Variants in MGAT4C observed in about 807,000 individuals in gnomAD.
MGAT4C encodes the protein alpha-1,3-mannosyl-glycoprotein 4-beta-N-acetylglucosaminyltransferase C.
In MGAT4C, 19 loss-of-function variants were observed where a neutral mutation model predicts 40.1. The ratio of observed to expected loss-of-function variants is 0.47; its 90% CI spans 0.33 to 0.70. MGAT4C has a LOEUF of 0.70. Ranked by LOEUF, MGAT4C falls within the 30% of genes least tolerant of loss-of-function variation. The probability of loss-of-function intolerance (pLI) is 0.02; values close to 1 mark genes in which losing one functional copy is unlikely to be tolerated. For missense variants in MGAT4C, 491 were observed against 563.2 expected, an observed-to-expected ratio of 0.87 and a Z score of 1.30; for synonymous variants, 181 against 187.1, an observed-to-expected ratio of 0.97 and a Z score of 0.27.
In MGAT4C at chr12:85,958,071, G is replaced by A. The variant is rs575593358; in HGVS notation, c.*21218C>T. 3 of 150,030 alleles carry A rather than the reference G, an allele frequency of 2.0e-5. No individual in the cohort carries two copies. In the Admixed American group the frequency reaches 2.0e-4, roughly 10 times the overall value. 9.3% of individuals were successfully genotyped at this position (150,030 alleles called of 1,614,324 possible). A position where few individuals can be genotyped will look rare whatever the true frequency, so the allele number is the denominator to read the frequency against. On this transcript the variant is annotated 3_prime_UTR_variant, in exon 5 of 5. Coordinates refer to ENST00000611864, the MANE Select transcript of MGAT4C (RefSeq NM_001351288.2). ...TGTGTGTGTGTGTGTGTGTGTGTTTGTTTGCTTGTTTTTGTTTTGAGACAG... is the reference window on the plus strand; with the variant it reads ...TGTGTGTGTGTGTGTGTGTGTGTTTATTTGCTTGTTTTTGTTTTGAGACAG...
intron 2 of MGAT4C, among the ~76,000 whole-genome samples, chr12:86,639,138 C>A (rs1963307147): frequency 6.6e-6 from 1 of 151,672 alleles, no homozygotes. Flanking sequence ...CTCTCTGTTG[C>A]ACAATGTCAT....
chr12:86,176,846 A>T (rs1887495679), intron 1 of MGAT4C, among the ~76,000 whole-genome samples: 1 of 146,818 alleles, frequency 6.8e-6, no homozygotes. Context: ...TATGTACTGA[A>T]GTGGTAAGAA....
intron 2 of MGAT4C, among the ~76,000 whole-genome samples, chr12:86,478,874 C>T (rs1957886377): frequency 1.3e-5 from 2 of 151,890 alleles, no homozygotes; most frequent in South Asian, 2.1e-4. Flanking sequence ...GAATAAAACC[C>T]AGAATGTCTA....
chr12:86,691,151 G>A (rs533858621), intron 2 of MGAT4C, among the ~76,000 whole-genome samples: 6 of 152,126 alleles, frequency 3.9e-5, no homozygotes, highest in South Asian at 2.1e-4. Context: ...TACTACTTCC[G>A]TTTACTGGCA....
intron 1 of MGAT4C, among the ~76,000 whole-genome samples, chr12:86,799,652 T>A (rs1399703952): frequency 1.3e-5 from 2 of 151,978 alleles, no homozygotes; most frequent in African/African-American, 4.8e-5. Flanking sequence ...TGACTTTTTT[T>A]ATGGCCTTCA....
At chr12:86,656,053 A>G (rs942381485) in intron 2 of MGAT4C, among the ~76,000 whole-genome samples, 4 of 152,084 alleles carry the variant, frequency 2.6e-5, no homozygotes, top group African/African-American at 9.7e-5. Flanking sequence ...TTAATTATCA[A>G]ATTAATTGAC....
chr12:86,272,574 C>A (rs1010071010), intron 4 of MGAT4C, among the ~76,000 whole-genome samples: 1 of 152,076 alleles, frequency 6.6e-6, no homozygotes, highest in East Asian at 1.9e-4. Context: ...TAAATCTCTT[C>A]CAGGTGCAGC....
chr12:86,640,077 AAAG>A (rs1963335653), intron 2 of MGAT4C, among the ~76,000 whole-genome samples: 1 of 151,748 alleles, frequency 6.6e-6, no homozygotes, highest in African/African-American at 2.4e-5. Flanking sequence ...AATTATTCAA[AAAG>A]AAGACTTTTA....
intron 2 of MGAT4C, among the ~76,000 whole-genome samples, chr12:86,560,633 A>C (rs1435582039): frequency 1.3e-5 from 2 of 152,174 alleles, no homozygotes; most frequent in African/African-American, 4.8e-5. Context: ...TAGAAGATGC[A>C]TGCCTCTACA....
At chr12:86,323,511 A>C (rs943982780) in intron 4 of MGAT4C, among the ~76,000 whole-genome samples, 1 of 151,796 alleles carries the variant, frequency 6.6e-6, no homozygotes, top group African/African-American at 2.4e-5. Flanking sequence ...GCAAAGAAAA[A>C]CACTAAGTAT....
At chr12:86,183,549 G>A (rs1888356522) in intron 1 of MGAT4C, among the ~76,000 whole-genome samples, 1 of 152,186 alleles carries the variant, frequency 6.6e-6, no homozygotes. Context: ...ATTTGCCATT[G>A]TTTTAATCAG....
intron 1 of MGAT4C, among the ~76,000 whole-genome samples, chr12:86,164,643 T>C (rs1416325343): frequency 6.6e-6 from 1 of 152,160 alleles, no homozygotes; most frequent in Non-Finnish European, 1.5e-5. Context: ...TGAGTTCAGT[T>C]CTGAATAAAA....
intron 3 of MGAT4C, among the ~76,000 whole-genome samples, chr12:86,343,456 T>C (rs1954945127): frequency 6.6e-6 from 1 of 151,104 alleles, no homozygotes. Context: ...CCTAAAACTG[T>C]TTTTTTTAAC....
intron 2 of MGAT4C, among the ~76,000 whole-genome samples, chr12:86,464,351 T>C (rs538228440): frequency 5.9e-5 from 9 of 152,232 alleles, no homozygotes; most frequent in African/African-American, 1.9e-4. Context: ...TAAAAAGGAG[T>C]AAGCAGTGGG....
At chr12:86,587,381 T>C (rs1000705578) in intron 2 of MGAT4C, among the ~76,000 whole-genome samples, 5 of 152,108 alleles carry the variant, frequency 3.3e-5, no homozygotes, top group African/African-American at 7.2e-5. Flanking sequence ...TGAAGTCAGG[T>C]AGTGTGATGC....
intron 2 of MGAT4C, among the ~76,000 whole-genome samples, chr12:86,455,482 T>C (rs895268811): frequency 6.6e-6 from 1 of 152,108 alleles, no homozygotes; most frequent in Non-Finnish European, 1.5e-5. Context: ...AACTTCTATT[T>C]CTGAAAATAC....
At chr12:86,574,114 A>G (rs889727558) in intron 2 of MGAT4C, among the ~76,000 whole-genome samples, 1 of 151,772 alleles carries the variant, frequency 6.6e-6, no homozygotes, top group Non-Finnish European at 1.5e-5. Context: ...CTACCCCTCT[A>G]AATGACCCCA....
intron 2 of MGAT4C, among the ~76,000 whole-genome samples, chr12:86,488,331 G>A (rs1417220226): frequency 6.6e-6 from 1 of 151,514 alleles, no homozygotes; most frequent in African/African-American, 2.4e-5. Flanking sequence ...GGAGGCTGAG[G>A]CAAGAGTATC....
intron 1 of MGAT4C, among the ~76,000 whole-genome samples, chr12:86,783,485 A>T (rs1951880156): frequency 6.6e-6 from 1 of 150,904 alleles, no homozygotes; most frequent in Non-Finnish European, 1.5e-5. Flanking sequence ...AAATGACCAC[A>T]ATTACAATTT....
Sources: allele counts gnomAD v4.1 joint callset (sites outside exome capture counted in the v4.1 genomes callset), GRCh38; gene constraint gnomAD v4.1.1; transcripts MANE v1.5; gene names NCBI Gene and HGNC (gene_info 2026-07-23, HGNC 2026-07-21).